The following KALRN variants were observed in gnomAD, a reference collection of about 807,000 sequenced individuals.
The protein encoded by KALRN is kalirin RhoGEF kinase.
KALRN carries 70 observed loss-of-function variants against 353.7 expected under a neutral mutation model. The ratio of observed to expected loss-of-function variants is 0.20; its 90% confidence interval spans 0.16 to 0.24. KALRN has a LOEUF of 0.24. Ranked by LOEUF, KALRN falls within the 10% of genes least tolerant of loss-of-function variation. KALRN has a pLI of 1.00. For synonymous variants in KALRN, 1,391 were observed against 1,434.8 expected, an observed-to-expected ratio of 0.97 and a Z score of 0.69; for missense variants, 2,791 against 3,756.7, an observed-to-expected ratio of 0.74 and a Z score of 6.72.
At chr3:124,607,988 A>C (rs989570120) in intron 34 of KALRN, among the ~76,000 whole-genome samples, 3 of 151,246 alleles carry the variant, frequency 2.0e-5, no homozygotes, top group African/African-American at 4.9e-5. Flanking sequence ...CAGTTTTACA[A>C]ATTTATAATC....
intron 57 of KALRN, among the ~76,000 whole-genome samples, chr3:124,704,177 T>G (rs1579038466): frequency 1.3e-5 from 2 of 152,188 alleles, no homozygotes; most frequent in African/African-American, 4.8e-5. Context: ...CTAGTTTGCT[T>G]TATTATATTG....
In KALRN at chr3:124,189,935, C is replaced by CAA. The variant is rs1218193851; in HGVS notation, c.74-38038_74-38037dup. On this transcript the variant is annotated intron_variant, in intron 1 of 59. Transcript: ENST00000682506. ...GCCTGGCAACAGAGCAAGACTCTGT[C>CAA]AAAAAAAAAAAAAAAAAAGCAACAT... Among the ~76,000 whole-genome samples, 636 of 69,344 alleles carry CAA rather than the reference C, an allele frequency of 9.2e-3. 8 individuals are homozygous for CAA. The highest frequency in any genetic ancestry group is 0.027 in the African/African-American group (566 of 21,236). The allele number at this position is 69,344 out of a possible 152,430, so 45.5% of individuals were successfully genotyped here.
At chr3:124,094,746 C>T in intron 1 of KALRN, 5 of 1,070,544 alleles carry the variant, frequency 4.7e-6, no homozygotes, top group Admixed American at 1.7e-5. Flanking sequence ...TGTGCGAGCC[C>T]AGCGTCAAGT....
chr3:124,301,068 G>A (rs1246597923), intron 6 of KALRN, among the ~76,000 whole-genome samples: 6 of 152,108 alleles, frequency 3.9e-5, no homozygotes, highest in Non-Finnish European at 7.3e-5. Flanking sequence ...CTGGCCCTAA[G>A]GCAGACAAAC....
intron 1 of KALRN, among the ~76,000 whole-genome samples, chr3:124,149,204 A>G (rs2067759391): frequency 6.6e-6 from 1 of 152,198 alleles, no homozygotes; most frequent in Non-Finnish European, 1.5e-5. Flanking sequence ...GACTATGTTC[A>G]TGAATGGATT....
At position 124,619,599 on chromosome 3, in the gene KALRN, G is replaced by A. The variant is rs890907481; in HGVS notation, c.5183-12821G>A. 3.5e-5 allele frequency among the ~76,000 whole-genome samples: 5 copies of A among 144,716 alleles called. No individual in the cohort carries two copies. In the East Asian group the frequency reaches 1.0e-3, roughly 29 times the overall value. The allele number at this position is 144,716 out of a possible 152,430, so 94.9% of individuals were successfully genotyped here. On this transcript the variant is annotated intron_variant, in intron 34 of 59. Transcript: ENST00000682506. ...CCTCCCAGGCTCAAGCAATTCTCCTGCCTCAGCCTCCCGAGTAGCTGGGAC... is the reference window on the plus strand; with the variant it reads ...CCTCCCAGGCTCAAGCAATTCTCCTACCTCAGCCTCCCGAGTAGCTGGGAC...
chr3:124,144,544 C>CTTCCTCATCATCCTCCTCCTCCTA (rs2067050586), intron 1 of KALRN, among the ~76,000 whole-genome samples: 2 of 151,924 alleles, frequency 1.3e-5, no homozygotes, highest in African/African-American at 4.8e-5. Flanking sequence ...TCCTCCTCCT[C>CTTCCTCATCATCCTCCTCCTCCTA]TTCCTCATCA....
intron 10 of KALRN, among the ~76,000 whole-genome samples, chr3:124,381,240 G>A (rs192155356): frequency 1.2e-3 from 179 of 152,296 alleles, no homozygotes; most frequent in Non-Finnish European, 2.2e-3. Flanking sequence ...GTGAAGGGAA[G>A]GGCATCTCAG....
chr3:124,292,167 G>T (rs1396452295), intron 5 of KALRN, among the ~76,000 whole-genome samples: 1 of 152,144 alleles, frequency 6.6e-6, no homozygotes, highest in Admixed American at 6.5e-5. Flanking sequence ...AAGCAAAATT[G>T]TAAAGTGGGG....
At chr3:124,142,785 C>T (rs2066798554) in intron 1 of KALRN, among the ~76,000 whole-genome samples, 1 of 152,110 alleles carries the variant, frequency 6.6e-6, no homozygotes, top group Admixed American at 6.5e-5. Flanking sequence ...CATGCCGCTG[C>T]TCTCCCTGCT....
intron 45 of KALRN, among the ~76,000 whole-genome samples, chr3:124,664,677 A>G (rs1030512418): frequency 3.3e-5 from 5 of 152,100 alleles, no homozygotes; most frequent in African/African-American, 1.2e-4. Context: ...CCAAAGTGCT[A>G]GGATTACAGG....
chr3:124,386,517 A>G (rs1419321832), intron 11 of KALRN, among the ~76,000 whole-genome samples: 4 of 152,114 alleles, frequency 2.6e-5, no homozygotes, highest in African/African-American at 9.7e-5. Context: ...CACCTGCTAT[A>G]CACAGAGCTA....
intron 1 of KALRN, among the ~76,000 whole-genome samples, chr3:124,217,537 CA>C (rs532702473): frequency 6.6e-6 from 1 of 151,930 alleles, no homozygotes; most frequent in African/African-American, 2.4e-5. Context: ...AAAACAATAC[CA>C]AAAAAACCTC....
chr3:124,237,008 C>T (rs180765880), intron 3 of KALRN, among the ~76,000 whole-genome samples: 1 of 152,302 alleles, frequency 6.6e-6, no homozygotes, highest in East Asian at 1.9e-4. Context: ...GCCTGGCAGG[C>T]CGCAGAGTTC....
chr3:124,583,043 C>A (rs1356349113), intron 34 of KALRN, among the ~76,000 whole-genome samples: 1 of 152,180 alleles, frequency 6.6e-6, no homozygotes, highest in Non-Finnish European at 1.5e-5. Context: ...CTTGGCCTCT[C>A]AAAGTGCTGG....
intron 50 of KALRN, 33 bp from the exon 51 acceptor site, chr3:124,679,425 C>G (rs377106621): frequency 2.3e-4 from 366 of 1,599,736 alleles, no homozygotes; most frequent in Non-Finnish European, 3.0e-4. Flanking sequence ...ACTGTGTTCT[C>G]TTTCTTCCCC....
chr3:124,455,089 G>A, intron 21 of KALRN, 88 bp from the exon 22 acceptor site: 2 of 1,436,026 alleles, frequency 1.4e-6, no homozygotes, highest in Admixed American at 1.8e-5. Context: ...AGGTATCTAT[G>A]GCTGCTCTAA....
chr3:124,185,084 T>G (rs1266949766), intron 1 of KALRN, among the ~76,000 whole-genome samples: 1 of 152,194 alleles, frequency 6.6e-6, no homozygotes, highest in African/African-American at 2.4e-5. Flanking sequence ...GGCGTGATCT[T>G]GGCTCACTGC....
intron 4 of KALRN, among the ~76,000 whole-genome samples, chr3:124,264,935 G>A (rs901468225): frequency 7.9e-5 from 12 of 152,156 alleles, no homozygotes; most frequent in Admixed American, 3.3e-4. Flanking sequence ...TGTGTTAACT[G>A]GGACAACTGT....
Sources: allele counts gnomAD v4.1 joint callset (sites outside exome capture counted in the v4.1 genomes callset), GRCh38; gene constraint gnomAD v4.1.1; transcripts MANE v1.5; gene names NCBI Gene and HGNC (gene_info 2026-07-23, HGNC 2026-07-21).